The following LHFPL4 variants were observed in gnomAD, a reference collection of about 807,000 sequenced individuals.
LHFPL4 encodes the protein LHFPL tetraspan subfamily member 4 protein.
LHFPL4 carries 6 observed loss-of-function variants against 20.0 expected under a neutral mutation model. That is an observed-to-expected ratio of 0.30 (90% CI 0.16 to 0.59). The LOEUF (loss-of-function observed/expected upper bound fraction) is 0.59, where lower values mean the gene tolerates loss of function less well. Ranked by LOEUF, LHFPL4 falls within the 20% of genes least tolerant of loss-of-function variation. The pLI is 0.88. For missense variants in LHFPL4, 215 were observed against 331.2 expected (o/e 0.65, Z 2.72); for synonymous variants, 129 against 143.8 (o/e 0.90, Z 0.74).
At chr3:9,519,516 A>G (rs769632239) in intron 2 of LHFPL4, among the ~76,000 whole-genome samples, 6 of 152,094 alleles carry the variant, frequency 3.9e-5, no homozygotes, top group African/African-American at 7.3e-5. Context: ...CTTGTTTTCA[A>G]TTCACCTGAT....
chr3:9,534,356 A>G (rs1446665930), intron 2 of LHFPL4, among the ~76,000 whole-genome samples: 1 of 152,198 alleles, frequency 6.6e-6, no homozygotes, highest in Non-Finnish European at 1.5e-5. Flanking sequence ...ATCAGTCATT[A>G]AAGAGAATGA....
chr3:9,543,454 C>T (rs1189438460), intron 2 of LHFPL4, among the ~76,000 whole-genome samples: 2 of 151,060 alleles, frequency 1.3e-5, no homozygotes, highest in East Asian at 2.0e-4. Context: ...GAGCCGAGAT[C>T]GCACCACTGC....
intron 2 of LHFPL4, among the ~76,000 whole-genome samples, chr3:9,541,727 G>T (rs1049658181): frequency 6.7e-6 from 1 of 148,616 alleles, no homozygotes; most frequent in East Asian, 1.9e-4. Flanking sequence ...AGTCGAGATC[G>T]CACCACTGCA....
rs1415860084 is a variant in LHFPL4, at chr3:9,501,840, G to A, written c.*371C>T. ...CCAGAAGAGGTGCGGATACAGCCAG[G>A]CGGCAGCCCTCCAGACTGAGGGGGC... On this transcript the variant is annotated 3_prime_UTR_variant, in exon 4 of 4. Transcript: ENST00000287585. The A allele has an allele frequency of 1.8e-5, 4 of 217,200 alleles. No individual in the cohort carries two copies. The highest frequency in any genetic ancestry group is 2.1e-4 in the East Asian group (2 of 9,480). 13.5% of individuals were successfully genotyped at this position (217,200 alleles called of 1,614,324 possible).
chr3:9,546,112 G>A lies in LHFPL4; in HGVS notation c.406+6162C>T, dbSNP rs565189190. Among the ~76,000 whole-genome samples, 23 of 151,484 alleles carry A rather than the reference G, an allele frequency of 1.5e-4. 1 individual carries two copies. In the South Asian group the frequency reaches 2.7e-3, roughly 18 times the overall value. On this transcript the variant is annotated intron_variant, in intron 2 of 3. Transcript: ENST00000287585. ...GCGGATCACTTGAGGTCAGCAGTTCGAGACCAGCCTGGCCAACATGGTGAA... is the reference window on the plus strand; with the variant it reads ...GCGGATCACTTGAGGTCAGCAGTTCAAGACCAGCCTGGCCAACATGGTGAA...
chr3:9,517,534 C>T (rs991476602), intron 2 of LHFPL4, among the ~76,000 whole-genome samples: 1 of 151,484 alleles, frequency 6.6e-6, no homozygotes, highest in African/African-American at 2.4e-5. Context: ...GAGACCCTGT[C>T]TGTACCAAAA....
rs968584032 is a variant in LHFPL4, at chr3:9,553,769, C to G, written c.-253G>C. ...CGCTCCCAGCAGCGGCTGCCTCGGC[C>G]CAGGCGGCGGCCTCTGCGCGGCCTC... is the stretch of plus-strand genomic sequence containing the variant. On this transcript the variant is annotated 5_prime_UTR_variant, in exon 1 of 4. Coordinates refer to ENST00000287585, the MANE Select transcript of LHFPL4 (RefSeq NM_198560.3). 6.6e-6 allele frequency: 1 copy of G among 150,630 alleles called. No homozygotes were observed. The highest frequency in any genetic ancestry group is 1.5e-5 in the Non-Finnish European group (1 of 67,476). The allele number at this position is 150,630 out of a possible 1,614,324, so 9.3% of individuals were successfully genotyped here. A position where few individuals can be genotyped will look rare whatever the true frequency, so the allele number is the denominator to read the frequency against.
chr3:9,521,271 C>G (rs1411942583), intron 2 of LHFPL4, among the ~76,000 whole-genome samples: 2 of 148,584 alleles, frequency 1.3e-5, no homozygotes, highest in African/African-American at 5.0e-5. Flanking sequence ...GTTGCCCAGG[C>G]TGGAGTGCAG....
intron 3 of LHFPL4, 24 bp downstream of exon 3, chr3:9,505,943 C>T (rs2046215129): frequency 2.5e-6 from 4 of 1,598,810 alleles, no homozygotes; most frequent in South Asian, 2.2e-5. Flanking sequence ...CCCGCCGCTG[C>T]CCCCCAGCCC....
In LHFPL4 at chr3:9,523,990, C is replaced by T. The variant is rs143889353; in HGVS notation, c.407-17787G>A. ...CAATTCTAGGCTAGTATTTCCCCCC[C>T]CCCCAACACTTTAAATATTTCACTC... On this transcript the variant is annotated intron_variant, in intron 2 of 3. Transcript: ENST00000287585. Among the ~76,000 whole-genome samples, 234 of 137,670 alleles carry T rather than the reference C, an allele frequency of 1.7e-3. 4 individuals are homozygous for T. The highest frequency in any genetic ancestry group is 6.5e-3 in the African/African-American group (222 of 34,110). The allele number at this position is 137,670 out of a possible 152,430, so 90.3% of individuals were successfully genotyped here. A position where few individuals can be genotyped will look rare whatever the true frequency, so the allele number is the denominator to read the frequency against.
intron 2 of LHFPL4, among the ~76,000 whole-genome samples, chr3:9,519,684 G>C (rs2046326282): frequency 2.6e-5 from 4 of 151,548 alleles, no homozygotes; most frequent in African/African-American, 9.7e-5. Context: ...TCATCCTCCT[G>C]AGCAGCTAGG....
chr3:9,520,050 T>C lies in LHFPL4; in HGVS notation c.407-13847A>G, dbSNP rs577659167. Among the ~76,000 whole-genome samples the C allele has an allele frequency of 2.6e-5, 4 of 152,302 alleles. No individual in the cohort carries two copies. The South Asian group carries it at 6.2e-4, about 24-fold the overall frequency. ...ATTTGGAAGCTTAAATGATTGAGTT[T>C]AGATCTTTCTTCTTTTCTAATATAT... On this transcript the variant is annotated intron_variant, in intron 2 of 3. Coordinates refer to ENST00000287585, the MANE Select transcript of LHFPL4 (RefSeq NM_198560.3).
chr3:9,503,180 G>A (rs1384691941), intron 3 of LHFPL4, among the ~76,000 whole-genome samples: 1 of 152,026 alleles, frequency 6.6e-6, no homozygotes, highest in Non-Finnish European at 1.5e-5. Flanking sequence ...CACTCATCTT[G>A]AACTCCCAGT....
intron 2 of LHFPL4, among the ~76,000 whole-genome samples, chr3:9,531,446 G>A (rs1431236685): frequency 3.3e-5 from 5 of 152,186 alleles, no homozygotes; most frequent in African/African-American, 4.8e-5. Flanking sequence ...GCTTAATGAC[G>A]GTTACCTCTG....
At position 9,552,837 on chromosome 3, in the gene LHFPL4, T is replaced by C. The variant is rs1426964994; in HGVS notation, c.-158A>G. On this transcript the variant is annotated 5_prime_UTR_variant, in exon 2 of 4. Transcript: ENST00000287585. ...GGGGCCTGGGGCAGAGCTGGGGGCG[T>C]CTGGGAGCTGCTAAGGGAGAGAGGA... is the stretch of plus-strand genomic sequence containing the variant. 5.5e-4 allele frequency: 116 copies of C among 211,156 alleles called. No homozygotes were observed. Among genetic ancestry groups the C allele is most frequent in the Non-Finnish European group, 5.9e-5 (7 of 119,520 alleles). The allele number at this position is 211,156 out of a possible 1,614,324, so 13.1% of individuals were successfully genotyped here.
chr3:9,545,655 G>T (rs942677454), intron 2 of LHFPL4, among the ~76,000 whole-genome samples: 24 of 152,160 alleles, frequency 1.6e-4, no homozygotes, highest in African/African-American at 5.3e-4. Flanking sequence ...GGTGGAGGTT[G>T]CAGTGAGCCA....
intron 2 of LHFPL4, among the ~76,000 whole-genome samples, chr3:9,525,761 A>C (rs989859060): frequency 6.6e-6 from 1 of 152,208 alleles, no homozygotes; most frequent in Non-Finnish European, 1.5e-5. Flanking sequence ...ACGTGCTTAT[A>C]CGTTTGAAAA....
intron 2 of LHFPL4, among the ~76,000 whole-genome samples, chr3:9,546,801 T>C (rs934306465): frequency 2.0e-5 from 3 of 152,216 alleles, no homozygotes; most frequent in African/African-American, 7.2e-5. Flanking sequence ...ACAGCGACTA[T>C]GTATTGAATG....
chr3:9,523,322 A>G (rs1417388025), intron 2 of LHFPL4, among the ~76,000 whole-genome samples: 2 of 151,066 alleles, frequency 1.3e-5, no homozygotes, highest in African/African-American at 4.9e-5. Flanking sequence ...CGGAGGTTGC[A>G]GTGAGTGGAG....
Sources: gnomAD v4.1 joint callset for allele counts (sites outside exome capture counted in the v4.1 genomes callset) on GRCh38, gnomAD v4.1.1 for gene constraint, MANE v1.5 for transcripts, NCBI Gene and HGNC (gene_info 2026-07-23, HGNC 2026-07-21) for gene names.